CELF2: variants seen among roughly 807,000 people sequenced by gnomAD.
The protein encoded by CELF2 is CUGBP Elav-like family member 2, also known as CUG triplet repeat RNA-binding protein 2.
In CELF2, 8 loss-of-function variants were observed where a neutral mutation model predicts 62.6. That is an observed-to-expected ratio of 0.13 (90% CI 0.07 to 0.23). CELF2 has a LOEUF of 0.23. Ranked by LOEUF, CELF2 falls within the 10% of genes least tolerant of loss-of-function variation. The pLI is 1.00. For missense variants in CELF2, 333 were observed against 671.0 expected, an observed-to-expected ratio of 0.50 and a Z score of 5.56; for synonymous variants, 258 against 250.0, an observed-to-expected ratio of 1.03 and a Z score of -0.30.
At chr10:10,905,795 G>A (rs981401068) in intron 1 of CELF2, among the ~76,000 whole-genome samples, 2 of 151,652 alleles carry the variant, frequency 1.3e-5, no homozygotes, top group East Asian at 1.9e-4. Flanking sequence ...AGAGAATGGC[G>A]TGAACCCAGG....
intron 1 of CELF2, among the ~76,000 whole-genome samples, chr10:11,139,326 A>T (rs2060921310): frequency 6.6e-6 from 1 of 152,262 alleles, no homozygotes; most frequent in Non-Finnish European, 1.5e-5. Flanking sequence ...TTAAAATTTT[A>T]AATGAAATTT....
chr10:10,765,140 C>G, the CELF2 span, among the ~76,000 whole-genome samples: 1 of 152,142 alleles, frequency 6.6e-6, no homozygotes, highest in Non-Finnish European at 1.5e-5. Context: ...GAACTTCAGA[C>G]AGTGTGTCCA....
At chr10:10,481,962 G>A in the CELF2 span, among the ~76,000 whole-genome samples, 1 of 152,160 alleles carries the variant, frequency 6.6e-6, no homozygotes. Context: ...GCATGATTCT[G>A]AATCCTCAAT....
chr10:10,814,333 G>A (rs998479340), intron 1 of CELF2, among the ~76,000 whole-genome samples: 27 of 150,152 alleles, frequency 1.8e-4, no homozygotes, highest in African/African-American at 5.9e-4. Context: ...AGAAGAAAGA[G>A]AACTTGACTC....
chr10:10,600,893 G>GA, the CELF2 span, among the ~76,000 whole-genome samples: 2 of 152,140 alleles, frequency 1.3e-5, no homozygotes, highest in Admixed American at 1.3e-4. Context: ...TTTTACAGAT[G>GA]AGCAAACTGA....
At chr10:10,688,483 A>C in the CELF2 span, among the ~76,000 whole-genome samples, 8 of 152,196 alleles carry the variant, frequency 5.3e-5, no homozygotes, top group African/African-American at 1.7e-4. Flanking sequence ...TCCCAAATTC[A>C]TAAGTATCAT....
intron 5 of CELF2, among the ~76,000 whole-genome samples, chr10:11,265,990 CTAAA>C (rs1314376112): frequency 6.6e-6 from 1 of 152,032 alleles, no homozygotes; most frequent in Middle Eastern, 3.2e-3. Context: ...TTAAAAATTG[CTAAA>C]TAGTTTGCAA....
the CELF2 span, among the ~76,000 whole-genome samples, chr10:10,520,205 A>G: frequency 6.6e-6 from 1 of 152,324 alleles, no homozygotes; most frequent in African/African-American, 2.4e-5. Flanking sequence ...GAAACCTGAA[A>G]TTTCTATAAA....
chr10:10,712,147 C>CAAAAAAA, the CELF2 span, among the ~76,000 whole-genome samples: 334 of 43,414 alleles, frequency 7.7e-3, 41 homozygotes, highest in African/African-American at 0.023. Flanking sequence ...AGGATAGAGA[C>CAAAAAAA]AAAAAAAAAA....
chr10:10,640,290 A>G, the CELF2 span, among the ~76,000 whole-genome samples: 1 of 152,198 alleles, frequency 6.6e-6, no homozygotes, highest in African/African-American at 2.4e-5. Flanking sequence ...TCAGTTTTGC[A>G]ATGCTGTGAA....
chr10:11,299,272 C>T (rs1012839379), intron 9 of CELF2, among the ~76,000 whole-genome samples: 4 of 152,238 alleles, frequency 2.6e-5, no homozygotes, highest in African/African-American at 4.8e-5. Flanking sequence ...TGCTCTGCAC[C>T]GGGCCCTTGC....
chr10:11,181,619 T>C (rs929695874), intron 2 of CELF2, among the ~76,000 whole-genome samples: 1 of 152,232 alleles, frequency 6.6e-6, no homozygotes, highest in African/African-American at 2.4e-5. Context: ...CAGAGTCATG[T>C]CTCGCTCTGC....
At chr10:11,282,396 C>A (rs1303339667) in intron 8 of CELF2, among the ~76,000 whole-genome samples, 3 of 152,158 alleles carry the variant, frequency 2.0e-5, no homozygotes, top group Non-Finnish European at 4.4e-5. Flanking sequence ...GGTGTTTTCA[C>A]CTCTTCATGC....
chr10:11,197,113 C>T (rs4994968), intron 2 of CELF2, among the ~76,000 whole-genome samples: 108,243 of 137,758 alleles, frequency 0.79, 43,619 homozygotes, highest in African/African-American at 0.86. Context: ...CCATTGTTCT[C>T]GCATTCATTG....
the CELF2 span, among the ~76,000 whole-genome samples, chr10:10,515,055 T>C: frequency 6.6e-6 from 1 of 152,328 alleles, no homozygotes; most frequent in African/African-American, 2.4e-5. Context: ...GTTTTGCCTG[T>C]GGCATTTGGA....
At chr10:10,641,890 C>G in the CELF2 span, among the ~76,000 whole-genome samples, 18 of 152,144 alleles carry the variant, frequency 1.2e-4, no homozygotes, top group South Asian at 2.1e-4. Flanking sequence ...ATTAATTCCC[C>G]CTCCTTTTTC....
At chr10:10,832,533 G>A (rs1214069503) in intron 1 of CELF2, among the ~76,000 whole-genome samples, 1 of 152,202 alleles carries the variant, frequency 6.6e-6, no homozygotes, top group African/African-American at 2.4e-5. Flanking sequence ...CAAATGCCAT[G>A]TTTATAGTAG....
intron 1 of CELF2, among the ~76,000 whole-genome samples, chr10:11,048,291 TC>T (rs1481855075): frequency 1.3e-5 from 2 of 152,206 alleles, no homozygotes; most frequent in Non-Finnish European, 2.9e-5. Context: ...GACCTTTTTT[TC>T]CCCCTTTGCA....
chr10:10,951,156 T>G (rs1203910229), intron 2 of CELF2, among the ~76,000 whole-genome samples: 3 of 152,204 alleles, frequency 2.0e-5, no homozygotes, highest in Non-Finnish European at 4.4e-5. Flanking sequence ...TCCTCCTTTT[T>G]CTTTTCTTTT....
Sources: gnomAD v4.1 joint callset for allele counts (sites outside exome capture counted in the v4.1 genomes callset) on GRCh38, gnomAD v4.1.1 for gene constraint, MANE v1.5 for transcripts, NCBI Gene and HGNC (gene_info 2026-07-23, HGNC 2026-07-21) for gene names.